ABCB9: variants seen among roughly 807,000 people sequenced by gnomAD.
The protein encoded by ABCB9 is ABC-type oligopeptide transporter ABCB9.
In ABCB9, 36 loss-of-function variants were observed where a neutral mutation model predicts 62.0. That is an observed-to-expected ratio of 0.58 (90% CI 0.45 to 0.77). The LOEUF is 0.77. Ranked by LOEUF, ABCB9 falls within the 30% of genes least tolerant of loss-of-function variation. The pLI is 0.00. For synonymous variants in ABCB9, 435 were observed against 461.4 expected (o/e 0.94, Z 0.73); for missense variants, 943 against 1,054.7 (o/e 0.89, Z 1.47).
In ABCB9 at chr12:122,948,805, G is replaced by A; in HGVS notation, c.872C>T (p.Ser291Leu). Residue 291 changes from serine to leucine, a missense_variant, in exon 5 of 12, where the codon TCG becomes TTG. Ser to Leu is a moderately radical substitution (Grantham distance 145). Coordinates refer to ENST00000280560, the MANE Select transcript of ABCB9 (RefSeq NM_019625.4). The stretch of plus-strand genomic sequence containing the variant: ...CAGGTCGCTGACCATGGTGGTGTCC[G>A]AGGTCAGGCGGGAGATGAGGTCCCC... ...RTGDLISRLT[S>L]DTTMVSDLVS... is the part of the protein sequence containing the mutation. 8 of 1,584,466 alleles carry A rather than the reference G, an allele frequency of 5.0e-6. No homozygotes were observed. Among genetic ancestry groups the A allele is most frequent in the East Asian group, 2.3e-5 (1 of 43,356 alleles).
intron 9 of ABCB9, among the ~76,000 whole-genome samples, chr12:122,936,105 T>C (rs1314857638): frequency 1.3e-5 from 2 of 151,878 alleles, no homozygotes; most frequent in African/African-American, 4.9e-5. Flanking sequence ...CAAAAGTTAA[T>C]TAGTTAATTA....
At chr12:122,923,360 GCA>G (rs879869539) in intron 11 of ABCB9, among the ~76,000 whole-genome samples, 2 of 152,004 alleles carry the variant, frequency 1.3e-5, no homozygotes, top group Admixed American at 6.6e-5. Context: ...CGACCTCCAC[GCA>G]CTGCAAGCTC....
At chr12:122,966,536 G>T (rs2037186595), upstream of ABCB9, 1 of 151,586 alleles carries the variant, frequency 6.6e-6, no homozygotes, top group Admixed American at 6.6e-5. Flanking sequence ...CTGGGGCAGG[G>T]ACCGGCGGAG....
At position 122,932,936 on chromosome 12, in the gene ABCB9, G is replaced by A. The variant is rs1015101077; in HGVS notation, c.1904-608C>T. ...GACAGGGTCTCACTCTCTCACCCAC[G>A]CTAGAGTGCAGTAGTACAATCACTG... On this transcript the variant is annotated intron_variant, in intron 10 of 11. Coordinates refer to ENST00000280560, the MANE Select transcript of ABCB9 (RefSeq NM_019625.4). The surrounding 1 kb of genome is among the most constrained non-coding windows in gnomAD (Gnocchi z 4.7). Among the ~76,000 whole-genome samples, 11 of 152,142 alleles carry A rather than the reference G, an allele frequency of 7.2e-5. No homozygotes were observed. The highest frequency in any genetic ancestry group is 1.4e-4 in the African/African-American group (6 of 41,420).
chr12:122,919,234 C>T (rs2034688796), downstream of ABCB9, among the ~76,000 whole-genome samples: 1 of 152,132 alleles, frequency 6.6e-6, no homozygotes. Flanking sequence ...TGCAGTGGCA[C>T]CACCATGGTT....
intron 1 of ABCB9, among the ~76,000 whole-genome samples, chr12:122,971,869 G>C (rs1283908295): frequency 1.3e-5 from 2 of 152,110 alleles, no homozygotes; most frequent in Non-Finnish European, 2.9e-5. Flanking sequence ...TGGTGATGGT[G>C]GGGGAGGCTG....
chr12:122,962,431 T>C (rs2036952944), intron 1 of ABCB9, among the ~76,000 whole-genome samples: 1 of 152,222 alleles, frequency 6.6e-6, no homozygotes, highest in East Asian at 1.9e-4. Context: ...GAAGGGGCCA[T>C]CCTGAGAGAG....
chr12:122,963,742 G>T (rs2037031891), intron 1 of ABCB9, among the ~76,000 whole-genome samples: 1 of 152,276 alleles, frequency 6.6e-6, no homozygotes, highest in Admixed American at 6.5e-5. Context: ...CAACCTCCAA[G>T]CCTGGGCCCT....
Position 122,959,710 on chromosome 12 carries a change from T to G in ABCB9, c.526A>C (p.Lys176Gln), listed in dbSNP as rs2036788861. ...TCGGGCTTGGTGTAGGAGAGCAGCT[T>G]CTGCAGCGTGGCCCCAGACGCCTGC... ...PEQASGATLQ[K>Q]LLSYTKPDVA... The change falls in exon 2 of 12, where the codon AAG becomes CAG. Residue 176 changes from lysine (K) to glutamine (Q), a missense_variant. By Grantham distance (53) the Lys-to-Gln change is moderately conservative. Transcript: ENST00000280560. This position sits in a 1 kb window ranked among gnomAD's most constrained non-coding sequence, Gnocchi z 5.4. The G allele has an allele frequency of 6.2e-7, 1 of 1,609,816 alleles. No homozygotes were observed. The highest frequency in any genetic ancestry group is 1.3e-5 in the African/African-American group (1 of 74,826).
chr12:122,962,668 C>T (rs1418821704), intron 1 of ABCB9, among the ~76,000 whole-genome samples: 4 of 152,238 alleles, frequency 2.6e-5, no homozygotes, highest in African/African-American at 9.6e-5. Context: ...GCATCTGCCT[C>T]TCCACCTGTC....
intron 3 of ABCB9, 151 bp downstream of exon 3, chr12:122,950,300 C>T (rs962799769): frequency 8.3e-6 from 6 of 726,346 alleles, no homozygotes; most frequent in African/African-American, 3.5e-5. Context: ...GTGTGGAAGC[C>T]GGTTCCCAGG....
In ABCB9 at chr12:122,959,711, C is replaced by T. The variant is rs370857883; in HGVS notation, c.525G>A (p.Gln175=). ...CGGGCTTGGTGTAGGAGAGCAGCTTCTGCAGCGTGGCCCCAGACGCCTGCT... is the reference window on the plus strand; with the variant it reads ...CGGGCTTGGTGTAGGAGAGCAGCTTTTGCAGCGTGGCCCCAGACGCCTGCT... ...PPEQASGATL[Q]KLLSYTKPDV... Residue 175 remains glutamine, a synonymous_variant, in exon 2 of 12, where the codon CAG becomes CAA. Transcript: ENST00000280560. The surrounding 1 kb of genome is among the most constrained non-coding windows in gnomAD (Gnocchi z 5.4). The T allele has an allele frequency of 1.2e-6, 2 of 1,610,162 alleles. No individual in the cohort carries two copies. Among genetic ancestry groups the T allele is most frequent in the Non-Finnish European group, 1.7e-6 (2 of 1,177,760 alleles).
intron 2 of ABCB9, among the ~76,000 whole-genome samples, chr12:122,954,948 T>C (rs1181351460): frequency 6.6e-6 from 1 of 152,196 alleles, no homozygotes; most frequent in African/African-American, 2.4e-5. Context: ...GAAAAATAAT[T>C]ATTAATAATC....
intron 11 of ABCB9, among the ~76,000 whole-genome samples, chr12:122,921,828 C>T (rs560616911): frequency 2.9e-4 from 44 of 151,804 alleles, no homozygotes; most frequent in African/African-American, 7.7e-4. Flanking sequence ...GCTCCCTCTG[C>T]CAAAAAAAAA....
intron 11 of ABCB9, among the ~76,000 whole-genome samples, chr12:122,922,323 C>G (rs971545741): frequency 6.6e-6 from 1 of 152,048 alleles, no homozygotes; most frequent in African/African-American, 2.4e-5. Flanking sequence ...CCATTGCTAA[C>G]GATTTCCTCT....
downstream of ABCB9, among the ~76,000 whole-genome samples, chr12:122,928,070 C>T (rs912189240): frequency 2.6e-5 from 4 of 151,984 alleles, no homozygotes; most frequent in African/African-American, 4.8e-5. Context: ...GTGAAGTGAC[C>T]GTATTTGGAA....
chr12:122,944,490 G>A lies in ABCB9; in HGVS notation c.1281C>T (p.Ile427=). ...TGACAAGGTGGCCCCCGTAGTAGAG[G>A]ATGCTGACCTGGACCACCAGCAGTG... ...GLTLLVVQVS[I]LYYGGHLVIS... Residue 427 remains isoleucine (I), a synonymous_variant, in exon 7 of 12, where the codon ATC becomes ATT. Transcript: ENST00000280560. This position sits in a 1 kb window ranked among gnomAD's most constrained non-coding sequence, Gnocchi z 4.9. The A allele has an allele frequency of 1.9e-6, 3 of 1,614,042 alleles. 1 individual carries two copies. The highest frequency in any genetic ancestry group is 2.2e-5 in the South Asian group (2 of 91,086).
chr12:122,960,046 C>T lies in ABCB9; in HGVS notation c.190G>A (p.Ala64Thr). The change falls in exon 2 of 12, where the codon GCC becomes ACC. Residue 64 changes from alanine (A) to threonine (T), a missense_variant. Transcript: ENST00000280560. Reference sequence around the variant, plus strand: ...CTGTTCTTGGCCACACCAATGGTGGCTCCCAGCAGCAGGCAGCTGCGGTAC... The same window carrying T: ...CTGTTCTTGGCCACACCAATGGTGGTTCCCAGCAGCAGGCAGCTGCGGTAC... ...CLYRSCLLLGATIGVAKNSAL... is the reference protein window; with the variant it reads ...CLYRSCLLLGTTIGVAKNSAL... 3.1e-6 allele frequency: 5 copies of T among 1,613,486 alleles called. No homozygotes were observed. The highest frequency in any genetic ancestry group is 1.1e-5 in the South Asian group (1 of 91,086).
At position 122,932,423 on chromosome 12, in the gene ABCB9, G is replaced by A; in HGVS notation, c.1904-95C>T. 6.9e-7 allele frequency: 1 copy of A among 1,445,990 alleles called. No individual in the cohort carries two copies. Among genetic ancestry groups the A allele is most frequent in the Non-Finnish European group, 9.2e-7 (1 of 1,091,840 alleles). The allele number at this position is 1,445,990 out of a possible 1,614,324, so 89.6% of individuals were successfully genotyped here. On this transcript the variant is annotated intron_variant, in intron 10 of 11. Coordinates refer to ENST00000280560, the MANE Select transcript of ABCB9 (RefSeq NM_019625.4). This position sits in a 1 kb window ranked among gnomAD's most constrained non-coding sequence, Gnocchi z 4.7. Reference sequence around the variant, plus strand: ...GCCCTGCCCTGCAGCTGTGGAAAGGGCGGGCTGGAACCCACAACTTGAAAG... The same window carrying A: ...GCCCTGCCCTGCAGCTGTGGAAAGGACGGGCTGGAACCCACAACTTGAAAG...
Sources: gnomAD v4.1 joint callset for allele counts (sites outside exome capture counted in the v4.1 genomes callset) on GRCh38, gnomAD v4.1.1 for gene constraint, Gnocchi (gnomAD v3.1) non-coding constraint, MANE v1.5 for transcripts, NCBI Gene and HGNC (gene_info 2026-07-23, HGNC 2026-07-21) for gene names.